The following PPP1R9A variants were observed in gnomAD, a reference collection of about 807,000 sequenced individuals.
PPP1R9A encodes the protein neurabin-1.
In PPP1R9A, 59 loss-of-function variants were observed where a neutral mutation model predicts 141.9. The ratio of observed to expected loss-of-function variants is 0.42; its 90% CI spans 0.34 to 0.52. PPP1R9A has a LOEUF of 0.52. Among genes scored for constraint, PPP1R9A ranks in the 20% least tolerant of loss-of-function variants. The pLI, the probability that PPP1R9A is intolerant of heterozygous loss-of-function variation, is 0.10. For synonymous variants in PPP1R9A, 500 were observed against 569.7 expected, an observed-to-expected ratio of 0.88 and a Z score of 1.74; for missense variants, 1,444 against 1,611.9, an observed-to-expected ratio of 0.90 and a Z score of 1.78.
intron 4 of PPP1R9A, chr7:95,155,590 A>G (rs1829478325): frequency 6.6e-6 from 1 of 152,212 alleles, no homozygotes; most frequent in East Asian, 1.9e-4. Flanking sequence ...GGTTGGCTTT[A>G]TGAACCCACT....
chr7:95,221,651 A>G lies in PPP1R9A; in HGVS notation c.1957-4310A>G, dbSNP rs1013286771. Among the ~76,000 whole-genome samples the G allele has an allele frequency of 3.9e-5, 6 of 152,100 alleles. 1 individual carries two copies. The highest frequency in any genetic ancestry group is 2.0e-4 in the Admixed American group (3 of 15,230). On this transcript the variant is annotated intron_variant, in intron 7 of 19. Transcript: ENST00000433360. ...AAGTTGTTGTATCTATGAAAACTAA[A>G]TACAGTGCTTTGGGAAGATTTAATA... is the stretch of plus-strand genomic sequence containing the variant.
intron 2 of PPP1R9A, among the ~76,000 whole-genome samples, chr7:94,926,195 T>C (rs918097640): frequency 2.0e-5 from 3 of 152,204 alleles, no homozygotes; most frequent in Non-Finnish European, 4.4e-5. Context: ...CAGTTACAAA[T>C]GAAAGCTGGG....
chr7:94,941,048 GA>G (rs1175957705), intron 2 of PPP1R9A, among the ~76,000 whole-genome samples: 4 of 152,112 alleles, frequency 2.6e-5, no homozygotes, highest in Non-Finnish European at 4.4e-5. Context: ...TTTGCAGAAA[GA>G]AAAGTATACT....
At chr7:95,138,134 G>A (rs1011551376) in intron 4 of PPP1R9A, among the ~76,000 whole-genome samples, 9 of 151,762 alleles carry the variant, frequency 5.9e-5, no homozygotes, top group African/African-American at 1.7e-4. Context: ...GGGTTTCACC[G>A]TATTAGCCAG....
chr7:95,287,217 T>A (rs1285043700), intron 18 of PPP1R9A: 1 of 1,483,318 alleles, frequency 6.7e-7, no homozygotes, highest in Non-Finnish European at 9.4e-7. Context: ...GACTGAAAAA[T>A]CAGACAATAC....
chr7:94,934,917 G>A (rs985245772), intron 2 of PPP1R9A, among the ~76,000 whole-genome samples: 1 of 151,920 alleles, frequency 6.6e-6, no homozygotes, highest in Non-Finnish European at 1.5e-5. Context: ...GTTATTCACA[G>A]GTGTGGTCAT....
At chr7:95,006,386 T>G (rs539495778) in intron 2 of PPP1R9A, among the ~76,000 whole-genome samples, 3 of 151,732 alleles carry the variant, frequency 2.0e-5, no homozygotes, top group African/African-American at 7.3e-5. Flanking sequence ...CCCGGCTAAT[T>G]TTTGTTATTT....
chr7:94,966,115 C>T (rs1456818066), intron 2 of PPP1R9A, among the ~76,000 whole-genome samples: 2 of 151,612 alleles, frequency 1.3e-5, no homozygotes, highest in Non-Finnish European at 3.0e-5. Flanking sequence ...ATTTGGCTCT[C>T]TGTTTGTCTC....
intron 2 of PPP1R9A, among the ~76,000 whole-genome samples, chr7:94,931,906 A>G (rs1411929476): frequency 6.6e-6 from 1 of 152,038 alleles, no homozygotes; most frequent in Non-Finnish European, 1.5e-5. Flanking sequence ...TACAGTTTCT[A>G]TGTGTGTCTC....
intron 7 of PPP1R9A, among the ~76,000 whole-genome samples, chr7:95,215,198 C>T (rs907819704): frequency 2.0e-5 from 3 of 147,200 alleles, no homozygotes; most frequent in East Asian, 2.0e-4. Context: ...TCAATTCCCA[C>T]CTATGAATGA....
At chr7:95,111,830 C>T (rs565406038) in intron 3 of PPP1R9A, among the ~76,000 whole-genome samples, 28 of 152,110 alleles carry the variant, frequency 1.8e-4, no homozygotes, top group Admixed American at 6.5e-4. Flanking sequence ...TACATCCTCT[C>T]CCCCTCTGAG....
chr7:95,046,282 T>C (rs1172041800), intron 2 of PPP1R9A, among the ~76,000 whole-genome samples: 2 of 152,218 alleles, frequency 1.3e-5, no homozygotes, highest in Admixed American at 1.3e-4. Flanking sequence ...GGTTTCACCA[T>C]GTTGACAGGC....
At chr7:94,937,662 T>C (rs1218628225) in intron 2 of PPP1R9A, among the ~76,000 whole-genome samples, 2 of 152,150 alleles carry the variant, frequency 1.3e-5, no homozygotes, top group African/African-American at 4.8e-5. Context: ...TTGAGATAAT[T>C]CTCCTAATTA....
At chr7:94,960,248 A>T (rs985446490) in intron 2 of PPP1R9A, among the ~76,000 whole-genome samples, 1 of 150,604 alleles carries the variant, frequency 6.6e-6, no homozygotes, top group African/African-American at 2.4e-5. Context: ...ATCTGATTGA[A>T]TTCTGGCACT....
chr7:95,289,925 G>C (rs1436866353), intron 19 of PPP1R9A, among the ~76,000 whole-genome samples, 166 bp from the exon 20 acceptor site: 1 of 152,184 alleles, frequency 6.6e-6, no homozygotes, highest in East Asian at 1.9e-4. Context: ...AAAAAATAAA[G>C]GGTAGCCCCC....
chr7:95,177,027 A>G (rs373923732), intron 5 of PPP1R9A, among the ~76,000 whole-genome samples: 10 of 152,274 alleles, frequency 6.6e-5, no homozygotes, highest in Middle Eastern at 3.4e-3. Flanking sequence ...ACACCTGGGA[A>G]ATTCATTGCA....
At chr7:95,016,249 A>C (rs1374637894) in intron 2 of PPP1R9A, among the ~76,000 whole-genome samples, 1 of 152,126 alleles carries the variant, frequency 6.6e-6, no homozygotes, top group Non-Finnish European at 1.5e-5. Flanking sequence ...AAAAGTTATC[A>C]ATATCAGGAA....
At position 95,274,089 on chromosome 7, in the gene PPP1R9A, C is replaced by T; in HGVS notation, c.3217C>T (p.Pro1073Ser). Residue 1073 changes from proline to serine, a missense_variant, in exon 16 of 20, where the codon CCT becomes TCT. Physicochemically the swap from Pro to Ser is moderately conservative, Grantham distance 74. Around this residue, in one of 5 missense-constraint regions of PPP1R9A, gnomAD observed 459 missense variants for 513.8 expected, o/e 0.89. Transcript: ENST00000433360. ...IKRKFVDLGAPLRRNSSKGKK... is the reference protein window; with the variant it reads ...IKRKFVDLGASLRRNSSKGKK... Reference sequence around the variant, plus strand: ...GACTGCTTACTATCATTACAGGGCGCCTTTGCGAAGGAATTCCAGCAAGGG... The same window carrying T: ...GACTGCTTACTATCATTACAGGGCGTCTTTGCGAAGGAATTCCAGCAAGGG... 1.3e-6 allele frequency: 2 copies of T among 1,577,402 alleles called. No individual in the cohort carries two copies. Among genetic ancestry groups the T allele is most frequent in the Non-Finnish European group, 1.7e-6 (2 of 1,165,610 alleles).
intron 14 of PPP1R9A, among the ~76,000 whole-genome samples, chr7:95,272,958 T>C (rs951482167): frequency 2.6e-5 from 4 of 152,180 alleles, no homozygotes; most frequent in Non-Finnish European, 5.9e-5. Flanking sequence ...CATTTGTTAA[T>C]CATCTGAGCT....
Sources: gnomAD v4.1 joint callset for allele counts (sites outside exome capture counted in the v4.1 genomes callset) on GRCh38, gnomAD v4.1.1 for gene constraint, gnomAD v4.1.1 regional missense constraint, MANE v1.5 for transcripts, NCBI Gene and HGNC (gene_info 2026-07-23, HGNC 2026-07-21) for gene names.